Variants in C12orf42 observed in about 807,000 individuals in gnomAD.
C12orf42 encodes the protein uncharacterized protein C12orf42.
Under a neutral mutation model 21.6 loss-of-function variants are expected in C12orf42, and 25 were observed. The observed-to-expected ratio is 1.16, with a 90% CI of 0.84 to 1.62. The LOEUF is 1.62. Among genes scored for constraint, C12orf42 ranks in the 40% most tolerant of loss-of-function variants. C12orf42 has a pLI of 0.00. For synonymous variants in C12orf42, 174 were observed against 175.0 expected (o/e 0.99, Z 0.05); for missense variants, 483 against 459.3 (o/e 1.05, Z -0.47).
At chr12:103,186,915 C>G in the C12orf42 span, among the ~76,000 whole-genome samples, 2 of 152,248 alleles carry the variant, frequency 1.3e-5, no homozygotes, top group Non-Finnish European at 2.9e-5. Flanking sequence ...CCCTTTCCAC[C>G]TTACTTTGAT....
At chr12:103,071,580 G>A in the C12orf42 span, among the ~76,000 whole-genome samples, 8 of 152,070 alleles carry the variant, frequency 5.3e-5, no homozygotes, top group African/African-American at 1.4e-4. Context: ...TCATGGGGGC[G>A]GTTTTTCCCA....
At chr12:103,443,144 A>G (rs556514603) in intron 2 of C12orf42, among the ~76,000 whole-genome samples, 1 of 152,240 alleles carries the variant, frequency 6.6e-6, no homozygotes, top group South Asian at 2.1e-4. Context: ...CTTTTCAAAC[A>G]CCTACACAGA....
the C12orf42 span, among the ~76,000 whole-genome samples, chr12:103,072,216 A>T: frequency 3.9e-5 from 6 of 152,178 alleles, no homozygotes; most frequent in African/African-American, 1.4e-4. Context: ...ACATGGTAAG[A>T]GTTCATCATT....
intron 2 of C12orf42, among the ~76,000 whole-genome samples, chr12:103,462,818 C>T (rs368883795): frequency 1.3e-5 from 2 of 152,196 alleles, no homozygotes; most frequent in Admixed American, 1.3e-4. Context: ...TAAACCCTAT[C>T]TGTGGAGAAT....
At chr12:103,470,299 G>A (rs1333100224) in intron 2 of C12orf42, among the ~76,000 whole-genome samples, 1 of 152,160 alleles carries the variant, frequency 6.6e-6, no homozygotes, top group Admixed American at 6.5e-5. Context: ...GAGGGGAAAA[G>A]TCAAGAAATA....
upstream of C12orf42, among the ~76,000 whole-genome samples, chr12:103,500,728 C>A (rs555609216): frequency 1.2e-4 from 18 of 152,258 alleles, no homozygotes; most frequent in African/African-American, 4.1e-4. Context: ...TATTGGATGC[C>A]AGTAGCTCAG....
At chr12:103,077,595 G>A in the C12orf42 span, among the ~76,000 whole-genome samples, 2 of 152,292 alleles carry the variant, frequency 1.3e-5, no homozygotes, top group African/African-American at 2.4e-5. Flanking sequence ...CAGTGATAAA[G>A]GTGAAGAGAA....
chr12:103,509,457 C>T, the C12orf42 span, among the ~76,000 whole-genome samples: 29 of 152,136 alleles, frequency 1.9e-4, no homozygotes, highest in African/African-American at 6.7e-4. Context: ...TAAACAACAT[C>T]CAAAAAAAGC....
At chr12:103,394,652 A>G (rs1015597718) in intron 3 of C12orf42, among the ~76,000 whole-genome samples, 96 of 152,206 alleles carry the variant, frequency 6.3e-4, no homozygotes, top group African/African-American at 2.1e-3. Flanking sequence ...ATTGTTTCCC[A>G]ACAATTCTAT....
At chr12:103,142,567 C>CAG in the C12orf42 span, among the ~76,000 whole-genome samples, 13 of 150,646 alleles carry the variant, frequency 8.6e-5, no homozygotes, top group East Asian at 5.8e-4. Flanking sequence ...TTAAGTGCAT[C>CAG]AGAGAGAGAG....
chr12:103,186,048 T>C, the C12orf42 span, among the ~76,000 whole-genome samples: 71 of 152,282 alleles, frequency 4.7e-4, no homozygotes, highest in South Asian at 0.015. Flanking sequence ...GTGGGACCCA[T>C]GTGAAATGAG....
downstream of C12orf42, among the ~76,000 whole-genome samples, chr12:103,301,336 A>G (rs1031641047): frequency 2.6e-5 from 4 of 152,020 alleles, no homozygotes; most frequent in Admixed American, 6.6e-5. Flanking sequence ...TCTGAAGGGG[A>G]AAAAAACCCT....
chr12:103,188,829 C>T, the C12orf42 span, among the ~76,000 whole-genome samples: 1 of 152,324 alleles, frequency 6.6e-6, no homozygotes, highest in African/African-American at 2.4e-5. Context: ...TTTATGCCTA[C>T]AAAACTGTGA....
At chr12:103,498,093 C>T (rs986842735), upstream of C12orf42, among the ~76,000 whole-genome samples, 2 of 151,048 alleles carry the variant, frequency 1.3e-5, no homozygotes, top group South Asian at 2.1e-4. Context: ...TAATCAGCTA[C>T]GATGAGAGGG....
chr12:103,510,901 C>T, the C12orf42 span, among the ~76,000 whole-genome samples: 1 of 152,184 alleles, frequency 6.6e-6, no homozygotes, highest in Non-Finnish European at 1.5e-5. Flanking sequence ...TCAGGTCCAG[C>T]CCCATCATCT....
At chr12:103,419,276 T>C (rs2049648985) in intron 2 of C12orf42, among the ~76,000 whole-genome samples, 1 of 152,190 alleles carries the variant, frequency 6.6e-6, no homozygotes, top group African/African-American at 2.4e-5. Context: ...GAATTTATTC[T>C]GAAGGCAATA....
chr12:103,153,595 C>T, the C12orf42 span, among the ~76,000 whole-genome samples: 1 of 152,058 alleles, frequency 6.6e-6, no homozygotes, highest in Non-Finnish European at 1.5e-5. Flanking sequence ...CATTTATAAT[C>T]AGGGATATCC....
chr12:103,192,125 A>G, the C12orf42 span, among the ~76,000 whole-genome samples: 1 of 152,226 alleles, frequency 6.6e-6, no homozygotes, highest in Non-Finnish European at 1.5e-5. Context: ...GTAAGTAGCT[A>G]TTAATAGTTA....
chr12:103,538,193 A>G, the C12orf42 span, among the ~76,000 whole-genome samples: 28 of 95,088 alleles, frequency 2.9e-4, 1 homozygote, highest in African/African-American at 8.4e-4. Flanking sequence ...GTGAAAATGG[A>G]TGTGCATTCT....
Sources: gnomAD v4.1 joint callset for allele counts (sites outside exome capture counted in the v4.1 genomes callset) on GRCh38, gnomAD v4.1.1 for gene constraint, MANE v1.5 for transcripts, NCBI Gene and HGNC (gene_info 2026-07-23, HGNC 2026-07-21) for gene names.